Variants in PGCKA1 observed in about 807,000 individuals in gnomAD.
The protein encoded by PGCKA1 is PDCD10 and GCKIII kinases associated 1.
chr4:37,541,823 C>T, the PGCKA1 span, among the ~76,000 whole-genome samples: 1 of 152,056 alleles, frequency 6.6e-6, no homozygotes, highest in African/African-American at 2.4e-5. Flanking sequence ...TTCAAGAGGC[C>T]GAAAAAGACA....
chr4:37,526,929 AT>A, the PGCKA1 span, among the ~76,000 whole-genome samples: 3 of 152,202 alleles, frequency 2.0e-5, no homozygotes, highest in Non-Finnish European at 4.4e-5. Flanking sequence ...AGAAGAAGAC[AT>A]TGTTATCATA....
At chr4:37,459,354 G>C in the PGCKA1 span, among the ~76,000 whole-genome samples, 1 of 152,042 alleles carries the variant, frequency 6.6e-6, no homozygotes, top group Non-Finnish European at 1.5e-5. Context: ...TGAGTTCAGG[G>C]GAGCCAAGAG....
At chr4:37,507,633 G>T in the PGCKA1 span, among the ~76,000 whole-genome samples, 1 of 151,918 alleles carries the variant, frequency 6.6e-6, no homozygotes, top group African/African-American at 2.4e-5. Context: ...TGCAGTCTGT[G>T]GCTTGAATAG....
At chr4:37,532,565 G>C in the PGCKA1 span, among the ~76,000 whole-genome samples, 2 of 150,270 alleles carry the variant, frequency 1.3e-5, no homozygotes, top group Admixed American at 1.4e-4. Flanking sequence ...TTTATTTACA[G>C]TAAGCATTTT....
the PGCKA1 span, among the ~76,000 whole-genome samples, chr4:37,555,227 C>T: frequency 7.9e-5 from 12 of 152,278 alleles, no homozygotes; most frequent in Middle Eastern, 3.4e-3. Context: ...GCGTTCTGTT[C>T]CCCTTTCATA....
chr4:37,465,415 C>T, the PGCKA1 span, among the ~76,000 whole-genome samples: 9 of 151,920 alleles, frequency 5.9e-5, no homozygotes, highest in South Asian at 1.9e-3. Context: ...GGATGGCTTC[C>T]CTGAGGAAGG....
the PGCKA1 span, among the ~76,000 whole-genome samples, chr4:37,516,219 G>T: frequency 6.6e-6 from 1 of 152,184 alleles, no homozygotes; most frequent in Non-Finnish European, 1.5e-5. Flanking sequence ...CCTCTGAATG[G>T]GTCCTGGGGA....
the PGCKA1 span, among the ~76,000 whole-genome samples, chr4:37,480,424 C>T: frequency 6.6e-6 from 1 of 152,160 alleles, no homozygotes; most frequent in African/African-American, 2.4e-5. Context: ...ACCCGGGAGG[C>T]GGAGATTGCA....
the PGCKA1 span, among the ~76,000 whole-genome samples, chr4:37,545,407 G>A: frequency 3.3e-5 from 5 of 152,180 alleles, no homozygotes; most frequent in Non-Finnish European, 7.3e-5. Context: ...CTTTGGCTGA[G>A]ACGGAAAGTA....
At chr4:37,553,118 G>A in the PGCKA1 span, among the ~76,000 whole-genome samples, 1 of 151,098 alleles carries the variant, frequency 6.6e-6, no homozygotes. Flanking sequence ...AGTGCTGACT[G>A]GCTGTACCAG....
chr4:37,558,585 T>C, the PGCKA1 span, among the ~76,000 whole-genome samples: 1 of 151,674 alleles, frequency 6.6e-6, no homozygotes, highest in African/African-American at 2.4e-5. Flanking sequence ...AAAGATGAAA[T>C]TGACAAATGG....
chr4:37,531,972 G>C, the PGCKA1 span, among the ~76,000 whole-genome samples: 3 of 151,298 alleles, frequency 2.0e-5, no homozygotes, highest in South Asian at 6.3e-4. Context: ...TATTGTCCAT[G>C]CTTTGGAGGT....
At chr4:37,481,457 C>A in the PGCKA1 span, among the ~76,000 whole-genome samples, 1 of 51,984 alleles carries the variant, frequency 1.9e-5, no homozygotes, top group African/African-American at 6.1e-5. Context: ...AGAGCAAGAC[C>A]TGTCTCCAAA....
At chr4:37,509,027 A>T in the PGCKA1 span, among the ~76,000 whole-genome samples, 1 of 151,400 alleles carries the variant, frequency 6.6e-6, no homozygotes, top group Non-Finnish European at 1.5e-5. Context: ...ATCCCAAGGC[A>T]GAAGAATTTT....
At chr4:37,556,820 C>T in the PGCKA1 span, among the ~76,000 whole-genome samples, 1 of 152,058 alleles carries the variant, frequency 6.6e-6, no homozygotes, top group African/African-American at 2.4e-5. Flanking sequence ...CTCATGGCTT[C>T]CTTATCAAGT....
At chr4:37,563,369 C>T in the PGCKA1 span, among the ~76,000 whole-genome samples, 11 of 152,196 alleles carry the variant, frequency 7.2e-5, no homozygotes, top group East Asian at 1.3e-3. Context: ...TGTGTCCTCA[C>T]GTGCCCTCTC....
the PGCKA1 span, among the ~76,000 whole-genome samples, chr4:37,474,421 G>A: frequency 2.6e-5 from 4 of 152,132 alleles, no homozygotes; most frequent in African/African-American, 4.8e-5. Flanking sequence ...CACAAAGCAG[G>A]CTAAGACACT....
the PGCKA1 span, among the ~76,000 whole-genome samples, chr4:37,478,811 A>G: frequency 6.6e-6 from 1 of 152,142 alleles, no homozygotes; most frequent in Non-Finnish European, 1.5e-5. Context: ...TACTTCTTTT[A>G]TCAATGATTA....
At chr4:37,569,508 T>C in the PGCKA1 span, among the ~76,000 whole-genome samples, 1 of 152,012 alleles carries the variant, frequency 6.6e-6, no homozygotes, top group Non-Finnish European at 1.5e-5. Context: ...CCCGAGGAGG[T>C]GGATTTCTTA....
Sources: allele counts gnomAD v4.1 joint callset (sites outside exome capture counted in the v4.1 genomes callset), GRCh38; gene constraint gnomAD v4.1.1; transcripts MANE v1.5; gene names NCBI Gene and HGNC (gene_info 2026-07-23, HGNC 2026-07-21).